RPL29: variants seen among roughly 807,000 people sequenced by gnomAD.
RPL29 encodes large ribosomal subunit protein eL29.
A neutral mutation model predicts 7.2 loss-of-function variants in RPL29; 4 were observed. That is an observed-to-expected ratio of 0.55 (90% CI 0.27 to 1.26). The LOEUF (loss-of-function observed/expected upper bound fraction) is 1.26, where lower values mean the gene tolerates loss of function less well. Among genes scored for constraint, RPL29 ranks in the 50% most tolerant of loss-of-function variants. The pLI, the probability that RPL29 is intolerant of heterozygous loss-of-function variation, is 0.11. For missense variants in RPL29, 148 were observed against 209.1 expected, an observed-to-expected ratio of 0.71 and a Z score of 1.80; for synonymous variants, 73 against 72.8, an observed-to-expected ratio of 1.00 and a Z score of -0.01.
At chr3:51,995,229 G>A (rs895005636) in intron 2 of RPL29, 123 bp from the exon 3 acceptor site, 12 of 1,010,598 alleles carry the variant, frequency 1.2e-5, no homozygotes, top group Middle Eastern at 2.2e-4. Context: ...TTGAGATATG[G>A]GAAACCCTTA....
Position 51,993,778 on chromosome 3 carries a change from T to C in RPL29, c.451A>G (p.Thr151Ala), listed in dbSNP as rs966873877. ...TCTGAAGCCTTTGTAGGGGCCTGGG[T>C]ACGTTTGGGAGCCTGAGCTGGAACT... ...ASVPAQAPKR[T>A]QAPTKASE is the part of the protein sequence containing the mutation. Residue 151 changes from threonine (T) to alanine (A), a missense_variant, in exon 4 of 4, where the codon ACC (threonine) becomes GCC (alanine). Transcript: ENST00000294189. 2.5e-6 allele frequency: 4 copies of C among 1,595,554 alleles called. No individual in the cohort carries two copies. In the African/African-American group the frequency reaches 5.3e-5, roughly 21 times the overall value.
At position 51,993,892 on chromosome 3, in the gene RPL29, C is replaced by T. The variant is rs1242663131; in HGVS notation, c.337G>A (p.Ala113Thr). 1 of 1,596,468 alleles carries T rather than the reference C, an allele frequency of 6.3e-7. No homozygotes were observed. Among genetic ancestry groups the T allele is most frequent in the Non-Finnish European group, 8.5e-7 (1 of 1,179,786 alleles). ...GGCCGGCACAGCCTGAGCCCCTTGG[C>T]AATACGGGCACGAGCACGCTTCCCA... Reference protein sequence around the residue: ...KLGKRARARIAKGLRLCRPKA... With the variant: ...KLGKRARARITKGLRLCRPKA... Residue 113 changes from alanine (A) to threonine (T), a missense_variant, in exon 4 of 4, where the codon GCC becomes ACC. By Grantham distance (58) the Ala-to-Thr change is moderately conservative. Coordinates refer to ENST00000294189, the MANE Select transcript of RPL29 (RefSeq NM_000992.3).
rs1200049922 is a variant in RPL29 at position 51,993,657 on chromosome 3, C to G, written c.*92G>C. 1.6e-6 allele frequency: 2 copies of G among 1,275,490 alleles called. No individual in the cohort carries two copies. The highest frequency in any genetic ancestry group is 1.1e-6 in the Non-Finnish European group (1 of 929,356). 79.0% of individuals were successfully genotyped at this position (1,275,490 alleles called of 1,614,324 possible). ...GCCTCAGGTTTATTTGTACAAATAG[C>G]ACAGGAGGACCCCAGCCCCATGCAG... On this transcript the variant is annotated 3_prime_UTR_variant, in exon 4 of 4. Coordinates refer to ENST00000294189, the MANE Select transcript of RPL29 (RefSeq NM_000992.3).
Position 51,993,586 on chromosome 3 carries a change from C to T in RPL29, c.*163G>A. 1.3e-6 allele frequency: 1 copy of T among 743,968 alleles called. No homozygotes were observed. Among genetic ancestry groups the T allele is most frequent in the Non-Finnish European group, 2.1e-6 (1 of 466,732 alleles). The allele number at this position is 743,968 out of a possible 1,614,324, so 46.1% of individuals were successfully genotyped here. A position where few individuals can be genotyped will look rare whatever the true frequency, so the allele number is the denominator to read the frequency against. On this transcript the variant is annotated 3_prime_UTR_variant, in exon 4 of 4. Transcript: ENST00000294189. ...TCTTCTCCCACACCAACAGATGGAG[C>T]AACCAAACCCATCCCCAGGATCATA...
rs14009 is a variant in RPL29, at chr3:51,993,972, G to A, written c.257C>T (p.Pro86Leu). 5.0e-6 allele frequency: 8 copies of A among 1,597,212 alleles called. No homozygotes were observed. Among genetic ancestry groups the A allele is most frequent in the African/African-American group, 1.3e-5 (1 of 74,866 alleles). ...VKPKEVKPKI[P>L]KGVSRKLDRL... ...ATCGAGCTTGCGGCTGACACCCTTT[G>A]GGATCTTGGGCTTAACCTCCTTGGG... is the stretch of plus-strand genomic sequence containing the variant. Residue 86 changes from proline (P) to leucine (L), a missense_variant, in exon 4 of 4, where the codon CCA (proline) becomes CTA (leucine). Coordinates refer to ENST00000294189, the MANE Select transcript of RPL29 (RefSeq NM_000992.3).
rs1475751712 is a variant in RPL29 at position 51,995,574 on chromosome 3, C to T, written c.-8-105G>A. The stretch of plus-strand genomic sequence containing the variant: ...AGCCTGCAGGCAGAGAATGTGCAGC[C>T]TCCACGAGTCTCGGCTTACTCTGCA... On this transcript the variant is annotated intron_variant, in intron 1 of 3. Coordinates refer to ENST00000294189, the MANE Select transcript of RPL29 (RefSeq NM_000992.3). 3.3e-5 allele frequency: 36 copies of T among 1,086,872 alleles called. No individual in the cohort carries two copies. In the South Asian group the frequency reaches 4.5e-4, roughly 14 times the overall value. The allele number at this position is 1,086,872 out of a possible 1,614,324, so 67.3% of individuals were successfully genotyped here.
In RPL29 at chr3:51,993,715, A is replaced by G; in HGVS notation, c.*34T>C. On this transcript the variant is annotated 3_prime_UTR_variant, in exon 4 of 4. Coordinates refer to ENST00000294189, the MANE Select transcript of RPL29 (RefSeq NM_000992.3). Reference sequence around the variant, plus strand: ...CCCAGGGGCGGGGGTGGGGGGTCGCACCAGTCCTTCTGTCCTCATGTTGGC... The same window carrying G: ...CCCAGGGGCGGGGGTGGGGGGTCGCGCCAGTCCTTCTGTCCTCATGTTGGC... 1.3e-6 allele frequency: 2 copies of G among 1,542,808 alleles called. No homozygotes were observed. Among genetic ancestry groups the G allele is most frequent in the South Asian group, 1.2e-5 (1 of 83,544 alleles).
At chr3:51,995,379 A>C in intron 2 of RPL29, 46 bp downstream of exon 2, 1 of 1,608,034 alleles carries the variant, frequency 6.2e-7, no homozygotes, top group Non-Finnish European at 8.5e-7. Flanking sequence ...TGCCTGAACC[A>C]GTCCTTGCCA....
At chr3:51,994,307 C>T (rs575960529) in intron 3 of RPL29, 181 bp from the exon 4 acceptor site, 86 of 736,082 alleles carry the variant, frequency 1.2e-4, no homozygotes, top group Admixed American at 3.3e-4. Context: ...GGAGCCAATA[C>T]GCCACCTGGG....
At position 51,994,563 on chromosome 3, in the gene RPL29, C is replaced by T. The variant is rs6768522; in HGVS notation, c.103-437G>A. 1,117 of 379,052 alleles carry T rather than the reference C, an allele frequency of 2.9e-3. 12 individuals carry two copies. The highest frequency in any genetic ancestry group is 0.02 in the African/African-American group (966 of 49,178). The allele number at this position is 379,052 out of a possible 1,614,324, so 23.5% of individuals were successfully genotyped here. A position where few individuals can be genotyped will look rare whatever the true frequency, so the allele number is the denominator to read the frequency against. On this transcript the variant is annotated intron_variant, in intron 3 of 3. Transcript: ENST00000294189. ...GGCTCAGAGTTTGTGATTCACTCCA[C>T]GGAACAGAGAGCAAAAGTAAAGGGA...
Position 51,995,399 on chromosome 3 carries a change from A to ATGT in RPL29, c.37+23_37+25dup, listed in dbSNP as rs762182187. On this transcript the variant is annotated intron_variant, in intron 2 of 3. Transcript: ENST00000294189. ...GAACCAGTCCTTGCCAGGGTCTGGG[A>ATGT]TGTAGGCAGGGCCCAAAAAACTTAC... 16 of 1,613,776 alleles carry ATGT rather than the reference A, an allele frequency of 9.9e-6. 1 individual carries two copies. In the South Asian group the frequency reaches 1.8e-4, roughly 18 times the overall value.
intron 1 of RPL29, 124 bp from the exon 2 acceptor site, chr3:51,995,593 C>T (rs1277319267): frequency 8.8e-6 from 8 of 904,116 alleles, no homozygotes; most frequent in Admixed American, 3.9e-5. Flanking sequence ...TCTCGGCTTA[C>T]TCTGCACGAC....
chr3:51,994,883 T>C, intron 3 of RPL29, 159 bp downstream of exon 3: 1 of 785,842 alleles, frequency 1.3e-6, no homozygotes, highest in Non-Finnish European at 2.3e-6. Flanking sequence ...AAAGCTTTAT[T>C]ATGGGTCTGG....
At chr3:51,994,988 G>C (rs1345990681) in intron 3 of RPL29, 54 bp downstream of exon 3, 5 of 1,487,242 alleles carry the variant, frequency 3.4e-6, no homozygotes, top group African/African-American at 2.8e-5. Flanking sequence ...GAGAGGCCTT[G>C]ACTGTGCACC....
chr3:51,995,267 CA>C, intron 2 of RPL29, 157 bp downstream of exon 2: 1 of 976,746 alleles, frequency 1.0e-6, no homozygotes, highest in Non-Finnish European at 1.6e-6. Context: ...CTCTGTATCT[CA>C]AGTAGATCTC....
In RPL29 at chr3:51,993,713, G is replaced by A. The variant is rs377284869; in HGVS notation, c.*36C>T. On this transcript the variant is annotated 3_prime_UTR_variant, in exon 4 of 4. Transcript: ENST00000294189. ...AGCCCAGGGGCGGGGGTGGGGGGTC[G>A]CACCAGTCCTTCTGTCCTCATGTTG... is the stretch of plus-strand genomic sequence containing the variant. 103 of 1,534,048 alleles carry A rather than the reference G, an allele frequency of 6.7e-5. No homozygotes were observed. Among genetic ancestry groups the A allele is most frequent in the African/African-American group, 6.2e-4 (45 of 73,010 alleles).
rs1439315850 is a variant in RPL29, at chr3:51,994,122, T to C, written c.107A>G (p.Asp36Gly). The C allele has an allele frequency of 5.6e-6, 9 of 1,593,770 alleles. No individual in the cohort carries two copies. The highest frequency in any genetic ancestry group is 7.7e-6 in the Non-Finnish European group (9 of 1,169,528). ...SQRYESLKGV[D>G]PKFLRNMRFA... ...GCGCATGTTCCTCAGGAACTTGGGG[T>C]CCACCTGAAAAGCAGGAAAGGTACA... Residue 36 changes from aspartate (D) to glycine (G), a missense_variant, in exon 4 of 4, where the codon GAC (aspartate) becomes GGC (glycine). Transcript: ENST00000294189.
intron 3 of RPL29, 81 bp from the exon 4 acceptor site, chr3:51,994,207 G>A (rs900384035): frequency 1.8e-5 from 26 of 1,475,160 alleles, no homozygotes; most frequent in Non-Finnish European, 2.0e-5. Flanking sequence ...GGGGTACCCA[G>A]CATTCTAAAG....
chr3:51,995,657 C>G (rs1412691896), intron 1 of RPL29, 188 bp from the exon 2 acceptor site: 1 of 613,068 alleles, frequency 1.6e-6, no homozygotes, highest in Non-Finnish European at 2.9e-6. Flanking sequence ...GAAATCAACT[C>G]CTTACCCCCG....
Sources: gnomAD v4.1 joint callset for allele counts on GRCh38, gnomAD v4.1.1 for gene constraint, MANE v1.5 for transcripts, NCBI Gene and HGNC (gene_info 2026-07-23, HGNC 2026-07-21) for gene names.